KAT2A: variants seen among roughly 807,000 people sequenced by gnomAD.
KAT2A encodes the protein lysine acetyltransferase 2A, also known as histone acetyltransferase KAT2A.
Under a neutral mutation model 95.2 loss-of-function variants are expected in KAT2A, and 42 were observed. The ratio of observed to expected loss-of-function variants is 0.44; its 90% CI spans 0.34 to 0.57. The LOEUF is 0.57. Among genes scored for constraint, KAT2A ranks in the 20% least tolerant of loss-of-function variants. The pLI is 0.01. For missense variants in KAT2A, 784 were observed against 1,126.3 expected, an observed-to-expected ratio of 0.70 and a Z score of 4.35; for synonymous variants, 449 against 448.2, an observed-to-expected ratio of 1.00 and a Z score of -0.02.
Position 42,119,712 on chromosome 17 carries a change from G to A in KAT2A, c.706C>T (p.Leu236=). 1 of 1,603,376 alleles carries A rather than the reference G, an allele frequency of 6.2e-7. No individual in the cohort carries two copies. The highest frequency in any genetic ancestry group is 8.5e-7 in the Non-Finnish European group (1 of 1,174,286). Residue 236 remains leucine (L), a synonymous_variant, in exon 5 of 18, where the codon CTG becomes TTG. Transcript: ENST00000225916. The surrounding 1 kb of genome is among the most constrained non-coding windows in gnomAD (Gnocchi z 5.3). Reference sequence around the variant, plus strand: ...CTAAACTTGTACTGCACAAAGTTCAGCACACCCTGAGAAGGGGTGGGTGGG... The same window carrying A: ...CTAAACTTGTACTGCACAAAGTTCAACACACCCTGAGAAGGGGTGGGTGGG... ...FEKPNIEQGV[L]NFVQYKFSHL...
Position 42,120,343 on chromosome 17 carries a change from A to G in KAT2A, c.491T>C (p.Val164Ala), listed in dbSNP as rs2054318117. 1 of 1,614,106 alleles carries G rather than the reference A, an allele frequency of 6.2e-7. No homozygotes were observed. Among genetic ancestry groups the G allele is most frequent in the Non-Finnish European group, 8.5e-7 (1 of 1,180,036 alleles). The part of the protein sequence containing the change: ...LADHVSHLEN[V>A]SEDEINRLLG... ...CAGTCGGTTTATCTCATCCTCTGACACATTCTCCAAGTGGGATACGTGGTC... is the reference window on the plus strand; with the variant it reads ...CAGTCGGTTTATCTCATCCTCTGACGCATTCTCCAAGTGGGATACGTGGTC... The change falls in exon 3 of 18, where the codon GTG (valine) becomes GCG (alanine). Residue 164 changes from valine to alanine, a missense_variant. Physicochemically the swap from Val to Ala is moderately conservative, Grantham distance 64. This residue lies in a region of KAT2A where 208 missense variants were observed against 339.7 expected (regional missense o/e 0.61). Coordinates refer to ENST00000225916, the MANE Select transcript of KAT2A (RefSeq NM_021078.3).
rs782600823 is a variant in KAT2A, at chr17:42,118,031, G to A, written c.1181-14C>T. ...CACTGACTGAAGCTGAGGAGAGAGA[G>A]AGACGTCAGGGATGGGGGGCTGAAG... is the stretch of plus-strand genomic sequence containing the variant. On this transcript the variant is annotated splice_polypyrimidine_tract_variant and intron_variant, in intron 7 of 17. Coordinates refer to ENST00000225916, the MANE Select transcript of KAT2A (RefSeq NM_021078.3). The A allele has an allele frequency of 1.4e-6, 2 of 1,422,594 alleles. No individual in the cohort carries two copies. Among genetic ancestry groups the A allele is most frequent in the Non-Finnish European group, 1.9e-6 (2 of 1,049,384 alleles). The allele number at this position is 1,422,594 out of a possible 1,614,324, so 88.1% of individuals were successfully genotyped here. A position where few individuals can be genotyped will look rare whatever the true frequency, so the allele number is the denominator to read the frequency against.
intron 6 of KAT2A, 56 bp from the exon 7 acceptor site, chr17:42,118,459 C>G (rs2054293469): frequency 7.8e-7 from 1 of 1,275,444 alleles, no homozygotes; most frequent in Admixed American, 1.7e-5. Context: ...GCAGCCTGGG[C>G]CAGGCAGCAG....
At chr17:42,120,476 G>C in intron 2 of KAT2A, 106 bp from the exon 3 acceptor site, 1 of 1,335,510 alleles carries the variant, frequency 7.5e-7, no homozygotes, top group South Asian at 1.3e-5. Context: ...CCTCCAACCA[G>C]TGTGACCAAC....
intron 1 of KAT2A, 49 bp from the exon 2 acceptor site, chr17:42,120,878 C>T (rs940762092): frequency 6.4e-7 from 1 of 1,574,746 alleles, no homozygotes; most frequent in East Asian, 2.3e-5. Context: ...GGGCAAGAGC[C>T]GCTCCGCAGC....
Position 42,118,306 on chromosome 17 carries a change from G to A in KAT2A, c.1171C>T (p.Pro391Ser), listed in dbSNP as rs782358832. 20 of 1,610,916 alleles carry A rather than the reference G, an allele frequency of 1.2e-5. No individual in the cohort carries two copies. The highest frequency in any genetic ancestry group is 1.6e-5 in the Non-Finnish European group (19 of 1,177,216). Residue 391 changes from proline to serine, a missense_variant, in exon 7 of 18, where the codon CCC (proline) becomes TCC (serine). Pro to Ser is a moderately conservative substitution (Grantham distance 74, BLOSUM62 -1). Coordinates refer to ENST00000225916, the MANE Select transcript of KAT2A (RefSeq NM_021078.3). The stretch of plus-strand genomic sequence containing the variant: ...GTACCATGGCACATACCTGGCCGGG[G>A]AACCAGCTGTGTCCCCTCTGAGGGT... The part of the protein sequence containing the change: ...MPPSEGTQLV[P>S]RPASVSAAVV...
Position 42,121,301 on chromosome 17 carries a change from C to T in KAT2A, c.4G>A (p.Ala2Thr). The change falls in exon 1 of 18, where the codon GCG becomes ACG. Residue 2 changes from alanine (A) to threonine (T), a missense_variant. By Grantham distance (58) the Ala-to-Thr change is moderately conservative (BLOSUM62 0). Transcript: ENST00000225916. ...GGGGTCGGGGCCTGGGAAGGTTCCG[C>T]CATGGCCTCCCCCGCAGCGGAGAGC... The part of the protein sequence containing the change: M[A>T]EPSQAPTPAP... 7.3e-7 allele frequency: 1 copy of T among 1,370,682 alleles called. No individual in the cohort carries two copies. The highest frequency in any genetic ancestry group is 9.3e-7 in the Non-Finnish European group (1 of 1,069,842). The allele number at this position is 1,370,682 out of a possible 1,614,324, so 84.9% of individuals were successfully genotyped here.
intron 6 of KAT2A, 98 bp from the exon 7 acceptor site, chr17:42,118,501 G>T: frequency 2.5e-6 from 2 of 815,602 alleles, no homozygotes; most frequent in Non-Finnish European, 4.2e-6. Context: ...GACAGACCCT[G>T]CTCTTAGGGA....
Position 42,114,836 on chromosome 17 carries a change from G to C in KAT2A, c.2019+56C>G. The C allele has an allele frequency of 6.3e-7, 1 of 1,577,518 alleles. No individual in the cohort carries two copies. The highest frequency in any genetic ancestry group is 1.1e-5 in the South Asian group (1 of 89,502). ...AGAACAGGTCTACACACGTGTGCTC[G>C]CCCTCTGCATGCCCATTCATGAAAA... On this transcript the variant is annotated intron_variant, in intron 13 of 17. Coordinates refer to ENST00000225916, the MANE Select transcript of KAT2A (RefSeq NM_021078.3). This position sits in a 1 kb window ranked among gnomAD's most constrained non-coding sequence, Gnocchi z 6.0.
intron 2 of KAT2A, 81 bp from the exon 3 acceptor site, chr17:42,120,451 G>T: frequency 6.9e-7 from 1 of 1,454,308 alleles, no homozygotes; most frequent in Non-Finnish European, 9.6e-7. Flanking sequence ...AGCCAAGCAA[G>T]ATACACACTC....
At position 42,119,777 on chromosome 17, in the gene KAT2A, C is replaced by G; in HGVS notation, c.700-59G>C. ...ATGAGGTGTGAGCAGCCCGCAGGGC[C>G]TTCTTAGACAAAGGAAGATGCTCCC... On this transcript the variant is annotated intron_variant, in intron 4 of 17. Coordinates refer to ENST00000225916, the MANE Select transcript of KAT2A (RefSeq NM_021078.3). The surrounding 1 kb of genome is among the most constrained non-coding windows in gnomAD (Gnocchi z 5.3). 6.4e-6 allele frequency: 9 copies of G among 1,416,290 alleles called. No homozygotes were observed. The highest frequency in any genetic ancestry group is 7.7e-6 in the Non-Finnish European group (8 of 1,040,992). The allele number at this position is 1,416,290 out of a possible 1,614,324, so 87.7% of individuals were successfully genotyped here. A position where few individuals can be genotyped will look rare whatever the true frequency, so the allele number is the denominator to read the frequency against.
Position 42,119,451 on chromosome 17 carries a change from C to G in KAT2A, c.882-15G>C, listed in dbSNP as rs782056849. 1 of 1,598,822 alleles carries G rather than the reference C, an allele frequency of 6.3e-7. No individual in the cohort carries two copies. Among genetic ancestry groups the G allele is most frequent in the South Asian group, 1.1e-5 (1 of 89,966 alleles). On this transcript the variant is annotated splice_polypyrimidine_tract_variant and intron_variant, in intron 5 of 17. Coordinates refer to ENST00000225916, the MANE Select transcript of KAT2A (RefSeq NM_021078.3). The surrounding 1 kb of genome is among the most constrained non-coding windows in gnomAD (Gnocchi z 5.3). ...AACAGAGCCATCTGGAGTAGGGGGTCGAGGGGGAGACAGGTGAGGGCGGAA... is the reference window on the plus strand; with the variant it reads ...AACAGAGCCATCTGGAGTAGGGGGTGGAGGGGGAGACAGGTGAGGGCGGAA...
rs2054201098 is a variant in KAT2A, at chr17:42,113,544, T to A, written c.*105A>T. ...GGGTCCGGAGGACCCTTGGCTGGAGTGTCTCAAGCTGAGTCGGGTCCGTGG... is the reference window on the plus strand; with the variant it reads ...GGGTCCGGAGGACCCTTGGCTGGAGAGTCTCAAGCTGAGTCGGGTCCGTGG... On this transcript the variant is annotated 3_prime_UTR_variant, in exon 18 of 18. Coordinates refer to ENST00000225916, the MANE Select transcript of KAT2A (RefSeq NM_021078.3). 1 of 1,077,358 alleles carries A rather than the reference T, an allele frequency of 9.3e-7. No individual in the cohort carries two copies. The highest frequency in any genetic ancestry group is 1.6e-5 in the African/African-American group (1 of 61,578). 66.7% of individuals were successfully genotyped at this position (1,077,358 alleles called of 1,614,324 possible). A position where few individuals can be genotyped will look rare whatever the true frequency, so the allele number is the denominator to read the frequency against.
rs1411642067 is a variant in KAT2A, at chr17:42,117,103, G to A, written c.1696C>T (p.Arg566Cys). ...DGRVIGGICF[R>C]MFPTQGFTEI... ...GTGAAGCCCTGGGTGGGAAACATGC[G>A]GAAGCAGATGCCACCGATGACCCGC... is the stretch of plus-strand genomic sequence containing the variant. Residue 566 changes from arginine (R) to cysteine (C), a missense_variant, in exon 11 of 18, where the codon CGC (arginine) becomes TGC (cysteine). Coordinates refer to ENST00000225916, the MANE Select transcript of KAT2A (RefSeq NM_021078.3). This position sits in a 1 kb window ranked among gnomAD's most constrained non-coding sequence, Gnocchi z 8.9. 2.5e-6 allele frequency: 4 copies of A among 1,614,168 alleles called. No individual in the cohort carries two copies. The highest frequency in any genetic ancestry group is 3.4e-6 in the Non-Finnish European group (4 of 1,180,038).
Position 42,119,495 on chromosome 17 carries a change from G to A in KAT2A, c.881+42C>T. The stretch of plus-strand genomic sequence containing the variant: ...GGCGGAAACCACTGAACCCAGGCTG[G>A]GCCTGCAAGCCTCCCCCGAAGCTGC... On this transcript the variant is annotated intron_variant, in intron 5 of 17. Coordinates refer to ENST00000225916, the MANE Select transcript of KAT2A (RefSeq NM_021078.3). This position sits in a 1 kb window ranked among gnomAD's most constrained non-coding sequence, Gnocchi z 5.3. The A allele has an allele frequency of 6.3e-7, 1 of 1,582,090 alleles. No individual in the cohort carries two copies. Among genetic ancestry groups the A allele is most frequent in the Non-Finnish European group, 8.6e-7 (1 of 1,160,890 alleles).
At chr17:42,120,645 T>C in intron 2 of KAT2A, 61 bp downstream of exon 2, 1 of 1,600,400 alleles carries the variant, frequency 6.2e-7, no homozygotes, top group Middle Eastern at 1.7e-4. Flanking sequence ...GTGGCACTTG[T>C]CACCCTGTCC....
intron 7 of KAT2A, 137 bp downstream of exon 7, chr17:42,118,160 G>A (rs1233390932): frequency 1.6e-5 from 13 of 795,952 alleles, no homozygotes; most frequent in Non-Finnish European, 2.5e-5. Context: ...AGAAGGCAGG[G>A]ACTGGGGGGG....
intron 2 of KAT2A, 143 bp downstream of exon 2, chr17:42,120,563 C>A (rs146483436): frequency 5.6e-5 from 70 of 1,256,580 alleles, no homozygotes; most frequent in South Asian, 3.3e-4. Flanking sequence ...CTTTCTCCCC[C>A]CTTGGTGCAC....
In KAT2A at chr17:42,114,370, C is replaced by T. The variant is rs782485536; in HGVS notation, c.2159G>A (p.Gly720Glu). 6.2e-7 allele frequency: 1 copy of T among 1,614,070 alleles called. No individual in the cohort carries two copies. The highest frequency in any genetic ancestry group is 8.5e-7 in the Non-Finnish European group (1 of 1,179,972). ...CTTTGACACTCACCCCTTCTCCTTCCCCAATGGCTTCCAGCCTGTCTCTCC... is the reference window on the plus strand; with the variant it reads ...CTTTGACACTCACCCCTTCTCCTTCTCCAATGGCTTCCAGCCTGTCTCTCC... ...GIRETGWKPL[G>E]KEKGKELKDP... The change falls in exon 15 of 18, where the codon GGG becomes GAG. Residue 720 changes from glycine (G) to glutamate (E), a missense_variant. Physicochemically the swap from Gly to Glu is moderately conservative, Grantham distance 98. Transcript: ENST00000225916. The surrounding 1 kb of genome is among the most constrained non-coding windows in gnomAD (Gnocchi z 6.0).
Sources: gnomAD v4.1 joint callset for allele counts on GRCh38, gnomAD v4.1.1 for gene constraint, gnomAD v4.1.1 regional missense constraint, Gnocchi (gnomAD v3.1) non-coding constraint, MANE v1.5 for transcripts, NCBI Gene and HGNC (gene_info 2026-07-23, HGNC 2026-07-21) for gene names.